The following ARHGEF38 variants were observed in gnomAD, a reference collection of about 807,000 sequenced individuals.
ARHGEF38 encodes Rho guanine nucleotide exchange factor (GEF) 38.
A neutral mutation model predicts 79.9 loss-of-function variants in ARHGEF38; 79 were observed. That is an observed-to-expected ratio of 0.99 (90% CI 0.82 to 1.19). The LOEUF (loss-of-function observed/expected upper bound fraction) is 1.19. ARHGEF38 is among the 50% of genes most tolerant of loss of function. The pLI is 0.00. For synonymous variants in ARHGEF38, 366 were observed against 328.3 expected (o/e 1.11, Z -1.24); for missense variants, 962 against 907.2 (o/e 1.06, Z -0.78).
chr4:105,635,240 G>T (rs1012004936), intron 4 of ARHGEF38, among the ~76,000 whole-genome samples: 2 of 151,610 alleles, frequency 1.3e-5, no homozygotes, highest in South Asian at 4.2e-4. Flanking sequence ...ATTAGCTTCT[G>T]CAAAGTTTCA....
chr4:105,598,726 A>G (rs892538395), intron 2 of ARHGEF38, among the ~76,000 whole-genome samples: 1 of 151,734 alleles, frequency 6.6e-6, no homozygotes, highest in Admixed American at 6.6e-5. Flanking sequence ...GAATCCTAGC[A>G]TTTATTATAT....
rs543811973 is a variant in ARHGEF38 at position 105,634,190 on chromosome 4, A to G, written c.657-2213A>G. ...CCACCTCAGGTGATTTTCCATACAC[A>G]CTCAAGTTAAGAACTAAATTAGTGG... is the stretch of plus-strand genomic sequence containing the variant. On this transcript the variant is annotated intron_variant, in intron 4 of 13. Coordinates refer to ENST00000420470, the MANE Select transcript of ARHGEF38 (RefSeq NM_001242729.2). Among the ~76,000 whole-genome samples the G allele has an allele frequency of 1.7e-4, 26 of 152,216 alleles. No individual in the cohort carries two copies. The South Asian group carries it at 5.4e-3, about 32-fold the overall frequency.
intron 5 of ARHGEF38, among the ~76,000 whole-genome samples, chr4:105,639,820 T>C (rs1729546872): frequency 6.6e-6 from 1 of 152,060 alleles, no homozygotes; most frequent in Non-Finnish European, 1.5e-5. Flanking sequence ...CTCAGCTCAG[T>C]ACTTTTCTTT....
intron 1 of ARHGEF38, among the ~76,000 whole-genome samples, chr4:105,584,629 C>A (rs1726945362): frequency 6.6e-6 from 1 of 152,156 alleles, no homozygotes; most frequent in Admixed American, 6.5e-5. Flanking sequence ...ATCTCTCTCT[C>A]TATCTGTATC....
intron 3 of ARHGEF38, among the ~76,000 whole-genome samples, chr4:105,619,186 G>A (rs940900308): frequency 2.6e-5 from 4 of 151,882 alleles, no homozygotes; most frequent in Admixed American, 6.6e-5. Context: ...CTTTGTATCT[G>A]GGCTGGCCTT....
intron 1 of ARHGEF38, among the ~76,000 whole-genome samples, chr4:105,579,790 A>G (rs1196782061): frequency 1.3e-5 from 2 of 152,102 alleles, no homozygotes; most frequent in East Asian, 3.9e-4. Flanking sequence ...TTTTTGGAAT[A>G]GCTTCGGTAG....
intron 2 of ARHGEF38, among the ~76,000 whole-genome samples, chr4:105,608,643 A>C (rs1002336877): frequency 6.6e-6 from 1 of 152,038 alleles, no homozygotes; most frequent in African/African-American, 2.4e-5. Flanking sequence ...TCTTCTAGCT[A>C]TTTTGAAACA....
At chr4:105,662,250 G>T (rs2110569148) in intron 10 of ARHGEF38, among the ~76,000 whole-genome samples, 1 of 152,098 alleles carries the variant, frequency 6.6e-6, no homozygotes. Context: ...TTTTCTTTGG[G>T]TTCTTGGTAT....
intron 2 of ARHGEF38, among the ~76,000 whole-genome samples, chr4:105,613,041 C>G (rs1405487899): frequency 6.6e-6 from 1 of 152,082 alleles, no homozygotes; most frequent in African/African-American, 2.4e-5. Flanking sequence ...GCTGTATAAG[C>G]AGTAAACTAT....
intron 2 of ARHGEF38, among the ~76,000 whole-genome samples, chr4:105,598,206 C>T (rs1408954777): frequency 6.6e-6 from 1 of 152,116 alleles, no homozygotes; most frequent in East Asian, 1.9e-4. Context: ...AAGCCAAGTC[C>T]CTTTCTCCAC....
chr4:105,586,011 A>G (rs1020074071), intron 1 of ARHGEF38, among the ~76,000 whole-genome samples: 3 of 152,060 alleles, frequency 2.0e-5, no homozygotes, highest in Non-Finnish European at 4.4e-5. Flanking sequence ...GATTACAGGC[A>G]TGAGCCACTG....
At chr4:105,570,137 T>C (rs758634834) in intron 1 of ARHGEF38, 6 of 152,220 alleles carry the variant, frequency 3.9e-5, no homozygotes, top group Non-Finnish European at 8.8e-5. Context: ...TCACTGAATA[T>C]ATTTACATAC....
intron 2 of ARHGEF38, among the ~76,000 whole-genome samples, chr4:105,612,186 T>C (rs1325670564): frequency 6.6e-6 from 1 of 152,026 alleles, no homozygotes; most frequent in Non-Finnish European, 1.5e-5. Flanking sequence ...ACCCCTTGAA[T>C]AGACCCCACA....
At chr4:105,662,057 G>C (rs1730584704) in intron 10 of ARHGEF38, among the ~76,000 whole-genome samples, 1 of 152,114 alleles carries the variant, frequency 6.6e-6, no homozygotes, top group Non-Finnish European at 1.5e-5. Flanking sequence ...GCTTAACTAT[G>C]TACCATTTTG....
intron 10 of ARHGEF38, among the ~76,000 whole-genome samples, chr4:105,665,168 TA>T (rs1313416322): frequency 1.3e-5 from 2 of 151,846 alleles, no homozygotes; most frequent in African/African-American, 4.8e-5. Flanking sequence ...GGGCTAATTT[TA>T]TTTATTAATT....
chr4:105,666,737 T>C (rs1730765686), intron 11 of ARHGEF38, among the ~76,000 whole-genome samples: 1 of 152,150 alleles, frequency 6.6e-6, no homozygotes. Context: ...TTGATTCTTG[T>C]CTAATTTGCT....
At chr4:105,636,360 A>G in intron 4 of ARHGEF38, 43 bp from the exon 5 acceptor site, 1 of 380,000 alleles carries the variant, frequency 2.6e-6, no homozygotes, top group Non-Finnish European at 4.0e-6. Flanking sequence ...TACCTTAAAT[A>G]TACAGATTTA....
chr4:105,635,150 A>C (rs759525675), intron 4 of ARHGEF38, among the ~76,000 whole-genome samples: 1 of 152,128 alleles, frequency 6.6e-6, no homozygotes, highest in South Asian at 2.1e-4. Context: ...ATAGTGATAA[A>C]TATATTAAAT....
chr4:105,561,429 A>G (rs6851422), intron 1 of ARHGEF38, among the ~76,000 whole-genome samples: 712 of 46,760 alleles, frequency 0.015, 55 homozygotes, highest in Non-Finnish European at 0.02. Flanking sequence ...AGAATGGAAT[A>G]GAATAGAATA....
Sources: gnomAD v4.1 joint callset for allele counts (sites outside exome capture counted in the v4.1 genomes callset) on GRCh38, gnomAD v4.1.1 for gene constraint, MANE v1.5 for transcripts, NCBI Gene and HGNC (gene_info 2026-07-23, HGNC 2026-07-21) for gene names.